The following CDKN2A variants were observed in gnomAD, a reference collection of about 807,000 sequenced individuals.
The protein encoded by CDKN2A is cyclin dependent kinase inhibitor 2A, also known as cyclin-dependent kinase inhibitor 2A.
Under a neutral mutation model 11.1 loss-of-function variants are expected in CDKN2A, and 3 were observed. That is an observed-to-expected ratio of 0.27 (90% CI 0.12 to 0.70). The LOEUF is 0.70. CDKN2A is among the 30% of genes least tolerant of loss of function. The probability of loss-of-function intolerance (pLI) is 0.77; values close to 1 mark genes in which losing one functional copy is unlikely to be tolerated. For missense variants in CDKN2A, 265 were observed against 233.6 expected, an observed-to-expected ratio of 1.13 and a Z score of -0.88; for synonymous variants, 122 against 108.1, an observed-to-expected ratio of 1.13 and a Z score of -0.80.
intron 2 of CDKN2A, among the ~76,000 whole-genome samples, chr9:21,981,942 A>G (rs968688032): frequency 2.6e-5 from 4 of 152,200 alleles, no homozygotes; most frequent in Admixed American, 6.5e-5. Context: ...CTAAGAAAAA[A>G]CAATGTGTCC....
At chr9:21,993,317 T>C (rs1463471237) in intron 2 of CDKN2A, among the ~76,000 whole-genome samples, 1 of 152,248 alleles carries the variant, frequency 6.6e-6, no homozygotes, top group Non-Finnish European at 1.5e-5. Context: ...CATTTGTCAA[T>C]GTGAGGACAA....
rs1344323497 is a variant in CDKN2A at position 21,991,612 on chromosome 9, G to A, written c.-4+2270C>T. ...CTTTAGTAATAGGAGTTTTTCATAT[G>A]TTGGGAAAATGGTTTAGCTTAACTC... is the stretch of plus-strand genomic sequence containing the variant. On this transcript the variant is annotated intron_variant, in intron 2 of 3. Transcript: ENST00000494262. The surrounding 1 kb of genome is among the most constrained non-coding windows in gnomAD (Gnocchi z 5.2). 3 of 975,944 alleles carry A rather than the reference G, an allele frequency of 3.1e-6. No individual in the cohort carries two copies. Among genetic ancestry groups the A allele is most frequent in the Non-Finnish European group, 3.7e-6 (3 of 821,400 alleles). 60.5% of individuals were successfully genotyped at this position (975,944 alleles called of 1,614,324 possible).
At chr9:21,977,630 T>G (rs1216294638), upstream of CDKN2A, among the ~76,000 whole-genome samples, 1 of 152,150 alleles carries the variant, frequency 6.6e-6, no homozygotes, top group Non-Finnish European at 1.5e-5. Context: ...CCTCCCAAAG[T>G]GCTGGGATTA....
chr9:21,988,170 TTC>T lies in CDKN2A; in HGVS notation c.-4+5710_-4+5711del, dbSNP rs1820344845. ...GTAATTCTGAACCTCTATAAAACTT[TTC>T]TCTCTTAAAAAAATCCTACTGCCTT... On this transcript the variant is annotated intron_variant, in intron 2 of 3. Transcript: ENST00000494262. The surrounding 1 kb of genome is among the most constrained non-coding windows in gnomAD (Gnocchi z 4.1). 2.0e-5 allele frequency among the ~76,000 whole-genome samples: 3 copies of T among 152,074 alleles called. No individual in the cohort carries two copies. The East Asian group carries it at 6.0e-4, about 31-fold the overall frequency.
chr9:21,976,326 C>A (rs1266459569), upstream of CDKN2A, among the ~76,000 whole-genome samples: 1 of 148,564 alleles, frequency 6.7e-6, no homozygotes, highest in African/African-American at 2.5e-5. Flanking sequence ...TTGCAGTAAG[C>A]CGAGATCGCG....
intron 1 of CDKN2A, among the ~76,000 whole-genome samples, chr9:21,973,035 G>A (rs889315757): frequency 6.6e-6 from 1 of 152,164 alleles, no homozygotes; most frequent in Non-Finnish European, 1.5e-5. Context: ...CAAAGAGAAA[G>A]TATAAGCAAA....
At chr9:21,994,508 TCACCCCCACCCCCACCC>T (rs1175322464) in intron 1 of CDKN2A, 1 of 1,223,772 alleles carries the variant, frequency 8.2e-7, no homozygotes, top group Non-Finnish European at 1.0e-6. Flanking sequence ...CCCCCCACCT[TCACCCCCACCCCCACCC>T]CACCCCCACT....
rs191150388 is a variant in CDKN2A at position 21,991,512 on chromosome 9, T to C, written c.-4+2370A>G. On this transcript the variant is annotated intron_variant, in intron 2 of 3. Transcript: ENST00000494262. The surrounding 1 kb of genome is among the most constrained non-coding windows in gnomAD (Gnocchi z 5.2). ...ATTTTCTCTGTTTCTCCAAGGACTT[T>C]TGAAAAAGTGTAAAAGCACTGGGCC... is the stretch of plus-strand genomic sequence containing the variant. 3.8e-4 allele frequency: 107 copies of C among 283,694 alleles called. No individual in the cohort carries two copies. The highest frequency in any genetic ancestry group is 2.3e-3 in the African/African-American group (101 of 43,934). The allele number at this position is 283,694 out of a possible 1,614,324, so 17.6% of individuals were successfully genotyped here.
chr9:21,975,164 T>A, upstream of CDKN2A: 5 of 1,164,400 alleles, frequency 4.3e-6, no homozygotes, highest in Non-Finnish European at 5.3e-6. Context: ...GAAGGAGGAC[T>A]GGGCTCCTCC....
chr9:21,972,722 T>C (rs1324166644), intron 1 of CDKN2A, among the ~76,000 whole-genome samples: 1 of 152,256 alleles, frequency 6.6e-6, no homozygotes, highest in Non-Finnish European at 1.5e-5. Flanking sequence ...ACCTCTTTGG[T>C]TCCTAAATCA....
At chr9:21,975,083 G>A, upstream of CDKN2A, 1 of 1,309,214 alleles carries the variant, frequency 7.6e-7, no homozygotes, top group Non-Finnish European at 9.7e-7. Context: ...CACCCCTGAA[G>A]TCGCCCCAGG....
chr9:21,990,518 T>G (rs1820403118), intron 2 of CDKN2A, among the ~76,000 whole-genome samples: 1 of 151,200 alleles, frequency 6.6e-6, no homozygotes, highest in African/African-American at 2.4e-5. Flanking sequence ...TCATAGCACT[T>G]TGGAAAACTC....
At chr9:21,989,213 G>A (rs1386141325) in intron 2 of CDKN2A, 1 of 152,200 alleles carries the variant, frequency 6.6e-6, no homozygotes, top group African/African-American at 2.4e-5. Flanking sequence ...TCCCAAGTTG[G>A]TGGGTTTTTC....
intron 2 of CDKN2A, among the ~76,000 whole-genome samples, chr9:21,969,128 C>A (rs1222654998): frequency 1.3e-5 from 2 of 152,176 alleles, no homozygotes; most frequent in African/African-American, 4.8e-5. Flanking sequence ...TTTCCCAGGT[C>A]GGGCAAGATA....
rs1331464889 is a variant in CDKN2A at position 21,969,772 on chromosome 9, G to A, written c.457+1130C>T. The A allele has an allele frequency of 7.8e-5, 31 of 398,096 alleles. 1 individual carries two copies. The East Asian group carries it at 1.0e-3, about 13-fold the overall frequency. The allele number at this position is 398,096 out of a possible 1,614,324, so 24.7% of individuals were successfully genotyped here. On this transcript the variant is annotated intron_variant, in intron 2 of 2. Coordinates refer to ENST00000304494, the MANE Select transcript of CDKN2A (RefSeq NM_000077.5). ...GCCGAAGTCTCCTTCTTCACCTCCC[G>A]GGACCTGGATGCTAGCTGTAACTGG...
rs1819532102 is a variant in CDKN2A at position 21,968,701 on chromosome 9, C to G, written c.458-459G>C. On this transcript the variant is annotated intron_variant, in intron 2 of 2. Transcript: ENST00000304494. The surrounding 1 kb of genome is among the most constrained non-coding windows in gnomAD (Gnocchi z 4.7). ...AAAGGGCGCCTCAGGCTCTGGCGCT[C>G]CTCGGCGGAATCCCGTAGCTTCCCT... The G allele has an allele frequency of 6.5e-7, 1 of 1,536,172 alleles. No homozygotes were observed. Among genetic ancestry groups the G allele is most frequent in the Non-Finnish European group, 8.7e-7 (1 of 1,146,904 alleles).
In CDKN2A at chr9:21,988,543, A is replaced by G. The variant is rs1286293370; in HGVS notation, c.-4+5339T>C. On this transcript the variant is annotated intron_variant, in intron 2 of 3. Transcript: ENST00000494262. This position sits in a 1 kb window ranked among gnomAD's most constrained non-coding sequence, Gnocchi z 4.1. ...AGAATTTCTTCAACCACCCTTTTTA[A>G]AAAACAAATGCTAATTGGACATAAA... is the stretch of plus-strand genomic sequence containing the variant. Among the ~76,000 whole-genome samples the G allele has an allele frequency of 6.6e-6, 1 of 152,124 alleles. No individual in the cohort carries two copies. Among genetic ancestry groups the G allele is most frequent in the Non-Finnish European group, 1.5e-5 (1 of 68,024 alleles).
upstream of CDKN2A, among the ~76,000 whole-genome samples, chr9:21,979,602 A>G (rs1022642465): frequency 6.6e-6 from 1 of 152,214 alleles, no homozygotes; most frequent in Non-Finnish European, 1.5e-5. Flanking sequence ...AAAGGTCAGA[A>G]CGGGGAGGAA....
At chr9:21,990,611 TGAGA>T (rs60431211) in intron 2 of CDKN2A, among the ~76,000 whole-genome samples, 7,872 of 89,840 alleles carry the variant, frequency 0.088, 346 homozygotes, top group Middle Eastern at 0.13. Context: ...ACTAATTTGG[TGAGA>T]GAGAGAGAGA....
Sources: allele counts gnomAD v4.1 joint callset (sites outside exome capture counted in the v4.1 genomes callset), GRCh38; gene constraint gnomAD v4.1.1; non-coding constraint Gnocchi (gnomAD v3.1); transcripts MANE v1.5; gene names NCBI Gene and HGNC (gene_info 2026-07-23, HGNC 2026-07-21).